Variants in RRBP1 observed in about 807,000 individuals in gnomAD.
RRBP1 encodes the protein ribosome binding protein 1.
In RRBP1, 94 loss-of-function variants were observed where a neutral mutation model predicts 165.2. The ratio of observed to expected loss-of-function variants is 0.57; its 90% CI spans 0.48 to 0.68. The LOEUF is 0.68. Among genes scored for constraint, RRBP1 ranks in the 30% least tolerant of loss-of-function variants. The pLI is 0.00. For missense variants in RRBP1, 1,676 were observed against 1,763.0 expected (o/e 0.95, Z 0.88); for synonymous variants, 680 against 714.5 (o/e 0.95, Z 0.77).
chr20:17,661,393 C>G (rs1387945661), intron 2 of RRBP1, among the ~76,000 whole-genome samples: 3 of 152,172 alleles, frequency 2.0e-5, no homozygotes, highest in Admixed American at 1.3e-4. Context: ...ATTTCACATC[C>G]AGAAGCTGCA....
intron 20 of RRBP1, among the ~76,000 whole-genome samples, chr20:17,618,094 C>A (rs1037823376): frequency 5.3e-5 from 8 of 152,202 alleles, no homozygotes; most frequent in African/African-American, 1.4e-4. Context: ...TGGGGCCGGG[C>A]GTGGAGCAGG....
chr20:17,671,035 C>A (rs538823688), intron 2 of RRBP1, among the ~76,000 whole-genome samples: 1 of 152,300 alleles, frequency 6.6e-6, no homozygotes, highest in South Asian at 2.1e-4. Flanking sequence ...TTCTTCTTCT[C>A]TACTTTCCAG....
intron 11 of RRBP1, among the ~76,000 whole-genome samples, chr20:17,626,335 G>A (rs2036019681): frequency 6.6e-6 from 1 of 152,172 alleles, no homozygotes; most frequent in Admixed American, 6.5e-5. Context: ...ACCACCAGGA[G>A]AAACAAAGTT....
At chr20:17,631,574 G>A (rs766988815) in intron 8 of RRBP1, among the ~76,000 whole-genome samples, 7 of 152,262 alleles carry the variant, frequency 4.6e-5, no homozygotes, top group East Asian at 1.9e-4. Flanking sequence ...TTTCAGAAGC[G>A]GGTCCCGTGG....
intron 3 of RRBP1, among the ~76,000 whole-genome samples, chr20:17,648,063 A>G (rs950453532): frequency 3.9e-5 from 6 of 152,154 alleles, no homozygotes; most frequent in African/African-American, 1.4e-4. Context: ...CAAGATTCAG[A>G]GGCTGAGGAC....
chr20:17,618,610 C>CA lies in RRBP1; in HGVS notation c.3744_3745insT (p.Asp1249Ter). 6.2e-7 allele frequency: 1 copy of CA among 1,613,972 alleles called. No individual in the cohort carries two copies. The highest frequency in any genetic ancestry group is 8.5e-7 in the Non-Finnish European group (1 of 1,179,982). On this transcript the variant is annotated frameshift_variant, in exon 20 of 25. Coordinates refer to ENST00000377813, the MANE Select transcript of RRBP1 (RefSeq NM_001365613.2). LOFTEE classifies it high-confidence loss of function. ...AGGCCACCTACCAGGGCAAGCTCATCGCTCTGTTTCTGGGCTTCGCTCTTG... is the reference window on the plus strand; with the variant it reads ...AGGCCACCTACCAGGGCAAGCTCATCAGCTCTGTTTCTGGGCTTCGCTCTTG...
In RRBP1 at chr20:17,615,250, T is replaced by G. The variant is rs941587532; in HGVS notation, c.4050+181A>C. On this transcript the variant is annotated intron_variant, in intron 23 of 24. Transcript: ENST00000377813. The stretch of plus-strand genomic sequence containing the variant: ...AGGACTAATGGCTGCCATGTGACCA[T>G]GTGACACTGCAGGGCTAGGAGTCCC... 2.0e-5 allele frequency among the ~76,000 whole-genome samples: 3 copies of G among 152,176 alleles called. No homozygotes were observed. In the East Asian group the frequency reaches 5.8e-4, roughly 29 times the overall value.
At chr20:17,639,494 G>T (rs1324719237) in intron 5 of RRBP1, among the ~76,000 whole-genome samples, 1 of 152,234 alleles carries the variant, frequency 6.6e-6, no homozygotes, top group Admixed American at 6.5e-5. Flanking sequence ...CATCTCCCCA[G>T]CTCCCGAGGG....
intron 3 of RRBP1, among the ~76,000 whole-genome samples, chr20:17,651,118 A>G (rs1041249114): frequency 1.4e-4 from 22 of 152,186 alleles, no homozygotes; most frequent in African/African-American, 5.3e-4. Flanking sequence ...CCAAATATTT[A>G]GTAAAGAATT....
chr20:17,679,785 C>A (rs566765572), intron 2 of RRBP1, among the ~76,000 whole-genome samples: 1 of 152,336 alleles, frequency 6.6e-6, no homozygotes, highest in East Asian at 1.9e-4. Flanking sequence ...ACCACTGTAA[C>A]TTCTTAATCT....
chr20:17,618,752 C>G, intron 19 of RRBP1, 73 bp from the exon 20 acceptor site: 1 of 1,188,020 alleles, frequency 8.4e-7, no homozygotes, highest in Non-Finnish European at 1.2e-6. Context: ...CGTGAGTTAG[C>G]GCCGAAACAT....
chr20:17,642,890 A>G, intron 4 of RRBP1, 89 bp downstream of exon 4: 3 of 1,374,980 alleles, frequency 2.2e-6, no homozygotes, highest in Non-Finnish European at 3.0e-6. Flanking sequence ...CTGTCCTATG[A>G]ATGTCCTCTC....
chr20:17,641,768 A>G lies in RRBP1; in HGVS notation c.2184+29T>C. On this transcript the variant is annotated intron_variant, in intron 5 of 24. Coordinates refer to ENST00000377813, the MANE Select transcript of RRBP1 (RefSeq NM_001365613.2). ...GGTCCTCTGAGGACGGGAGAGGACA[A>G]ACCATCTCCGAGCCCACTCAGGCTG... 5 of 1,610,016 alleles carry G rather than the reference A, an allele frequency of 3.1e-6. 1 individual carries two copies. Among genetic ancestry groups the G allele is most frequent in the South Asian group, 2.2e-5 (2 of 90,986 alleles).
chr20:17,665,839 T>C (rs2036858765), intron 2 of RRBP1, among the ~76,000 whole-genome samples: 1 of 152,204 alleles, frequency 6.6e-6, no homozygotes, highest in African/African-American at 2.4e-5. Flanking sequence ...TGGTAATGCA[T>C]TTCAAAGTCA....
chr20:17,626,576 C>G (rs1332809367), intron 11 of RRBP1, among the ~76,000 whole-genome samples: 2 of 152,216 alleles, frequency 1.3e-5, no homozygotes, highest in East Asian at 1.9e-4. Flanking sequence ...TAGGACACAT[C>G]TGACCGTGTG....
chr20:17,615,567 T>G (rs761872843), intron 22 of RRBP1, 38 bp from the exon 23 acceptor site: 1 of 1,537,314 alleles, frequency 6.5e-7, no homozygotes, highest in Non-Finnish European at 8.8e-7. Flanking sequence ...GTGAGACGTC[T>G]TATAAACGGC....
At position 17,615,458 on chromosome 20, in the gene RRBP1, T is replaced by C; in HGVS notation, c.4023A>G (p.Ser1341=). The C allele has an allele frequency of 6.2e-7, 1 of 1,611,010 alleles. No individual in the cohort carries two copies. The highest frequency in any genetic ancestry group is 8.5e-7 in the Non-Finnish European group (1 of 1,178,736). The change falls in exon 23 of 25, where the codon TCA becomes TCG. Residue 1341 remains serine (S), a synonymous_variant. Coordinates refer to ENST00000377813, the MANE Select transcript of RRBP1 (RefSeq NM_001365613.2). ...TCAGCTGTGAGGCCTCCTCTGTTTCTGAAGACTCTAGGGGGCCGGCTGTGC... is the reference window on the plus strand; with the variant it reads ...TCAGCTGTGAGGCCTCCTCTGTTTCCGAAGACTCTAGGGGGCCGGCTGTGC... ...KLRTAGPLES[S]ETEEASQLKE...
intron 7 of RRBP1, 65 bp from the exon 8 acceptor site, chr20:17,633,678 C>T: frequency 2.6e-6 from 4 of 1,550,990 alleles, no homozygotes; most frequent in Non-Finnish European, 3.5e-6. Flanking sequence ...GGTCCAAGCC[C>T]TCCCTCCAGG....
At chr20:17,640,600 T>A (rs960998958) in intron 5 of RRBP1, among the ~76,000 whole-genome samples, 8 of 152,142 alleles carry the variant, frequency 5.3e-5, no homozygotes, top group African/African-American at 1.9e-4. Flanking sequence ...CCACGCACCG[T>A]TAACCTTCTC....
Sources: gnomAD v4.1 joint callset for allele counts (sites outside exome capture counted in the v4.1 genomes callset) on GRCh38, gnomAD v4.1.1 for gene constraint, MANE v1.5 for transcripts, NCBI Gene and HGNC (gene_info 2026-07-23, HGNC 2026-07-21) for gene names.